DPYD: variants seen among roughly 807,000 people sequenced by gnomAD.
DPYD encodes the protein dihydropyrimidine dehydrogenase.
DPYD carries 109 observed loss-of-function variants against 116.2 expected under a neutral mutation model. The observed-to-expected ratio is 0.94, with a 90% confidence interval of 0.80 to 1.10. DPYD has a LOEUF of 1.10. DPYD is among the 50% of genes least tolerant of loss of function. The probability of loss-of-function intolerance (pLI) is 0.00; values close to 1 mark genes in which losing one functional copy is unlikely to be tolerated. For missense variants in DPYD, 1,302 were observed against 1,254.5 expected (o/e 1.04, Z -0.57); for synonymous variants, 440 against 432.0 (o/e 1.02, Z -0.23).
At chr1:97,909,330 C>A (rs973016044) in intron 1 of DPYD, among the ~76,000 whole-genome samples, 7 of 152,036 alleles carry the variant, frequency 4.6e-5, no homozygotes, top group Non-Finnish European at 8.8e-5. Context: ...CCAAAAGAAT[C>A]CCTTTATACA....
intron 10 of DPYD, among the ~76,000 whole-genome samples, chr1:97,590,120 T>C (rs1485581088): frequency 1.3e-5 from 2 of 152,196 alleles, no homozygotes; most frequent in Non-Finnish European, 2.9e-5. Context: ...CCTCTTTTGA[T>C]GTATACAAAA....
chr1:97,746,203 AT>A lies in DPYD; in HGVS notation c.234-5725del, dbSNP rs562730142. 1.5e-4 allele frequency among the ~76,000 whole-genome samples: 23 copies of A among 152,284 alleles called. No individual in the cohort carries two copies. The South Asian group carries it at 3.5e-3, about 23-fold the overall frequency. ...GTTTATGGCAAGCTTTTCTAACTCA[AT>A]CCATTGCCTATTCTAGTCTGTAACA... On this transcript the variant is annotated intron_variant, in intron 3 of 22. Coordinates refer to ENST00000370192, the MANE Select transcript of DPYD (RefSeq NM_000110.4).
intron 21 of DPYD, among the ~76,000 whole-genome samples, chr1:97,087,528 TG>T (rs1403885363): frequency 1.3e-5 from 2 of 152,120 alleles, no homozygotes; most frequent in African/African-American, 4.8e-5. Flanking sequence ...GTGAGACTTT[TG>T]GAACCAAAGT....
In DPYD at chr1:97,606,475, T is replaced by C. The variant is rs567121560; in HGVS notation, c.851-11309A>G. ...CTAAAGCTGAGTCTTAAAAGATTAA[T>C]GTTTCCAGTCATAGAAAAAGGGGGA... is the stretch of plus-strand genomic sequence containing the variant. On this transcript the variant is annotated intron_variant, in intron 8 of 22. Coordinates refer to ENST00000370192, the MANE Select transcript of DPYD (RefSeq NM_000110.4). Among the ~76,000 whole-genome samples, 11 of 152,088 alleles carry C rather than the reference T, an allele frequency of 7.2e-5. No individual in the cohort carries two copies. The South Asian group carries it at 2.3e-3, about 32-fold the overall frequency.
chr1:97,664,962 A>G (rs1463639840), intron 8 of DPYD, among the ~76,000 whole-genome samples: 1 of 152,134 alleles, frequency 6.6e-6, no homozygotes, highest in Non-Finnish European at 1.5e-5. Context: ...CTAAAAGTCT[A>G]ACACATTTCG....
intron 15 of DPYD, among the ~76,000 whole-genome samples, chr1:97,380,626 A>T (rs1671902204): frequency 6.6e-6 from 1 of 152,220 alleles, no homozygotes; most frequent in Non-Finnish European, 1.5e-5. Context: ...AGTATACATC[A>T]TCATCACATC....
Position 97,883,374 on chromosome 1 carries a change from T to G in DPYD, c.40A>C (p.Ser14Arg). Residue 14 changes from serine (S) to arginine (R), a missense_variant and splice_region_variant, in exon 2 of 23, where the codon AGT (serine) becomes CGT (arginine). Coordinates refer to ENST00000370192, the MANE Select transcript of DPYD (RefSeq NM_000110.4). Reference protein sequence around the residue: ...VLSKDSADIESILALNPRTQT... With the variant: ...VLSKDSADIERILALNPRTQT... ...GTTCGAGGATTTAAAGCCAGGATAC[T>G]CTAAAGACAGCATAAACAATGTGTA... is the stretch of plus-strand genomic sequence containing the variant. 1.9e-6 allele frequency: 3 copies of G among 1,585,206 alleles called. No individual in the cohort carries two copies. Among genetic ancestry groups the G allele is most frequent in the Non-Finnish European group, 2.6e-6 (3 of 1,153,944 alleles).
chr1:97,920,820 C>G, intron 1 of DPYD, 64 bp downstream of exon 1: 1 of 1,553,880 alleles, frequency 6.4e-7, no homozygotes, highest in Non-Finnish European at 8.7e-7. Context: ...GCCTCCCCGG[C>G]ACCTACCCGC....
chr1:97,085,689 A>G (rs1649464329), intron 21 of DPYD, among the ~76,000 whole-genome samples: 1 of 152,176 alleles, frequency 6.6e-6, no homozygotes, highest in African/African-American at 2.4e-5. Context: ...GATGTCCTGG[A>G]ATCTGGAGTT....
intron 8 of DPYD, among the ~76,000 whole-genome samples, chr1:97,646,416 T>C (rs946750318): frequency 5.3e-5 from 8 of 152,080 alleles, no homozygotes; most frequent in African/African-American, 1.9e-4. Flanking sequence ...TGTCTTTATT[T>C]TAGTGATTAT....
intron 20 of DPYD, among the ~76,000 whole-genome samples, chr1:97,122,443 T>G (rs1028297828): frequency 3.3e-5 from 5 of 152,148 alleles, no homozygotes; most frequent in Non-Finnish European, 5.9e-5. Context: ...TCTATCCAAC[T>G]TATAACTGTA....
chr1:97,830,188 G>A (rs1669464463), intron 2 of DPYD, among the ~76,000 whole-genome samples: 1 of 152,066 alleles, frequency 6.6e-6, no homozygotes, highest in African/African-American at 2.4e-5. Flanking sequence ...TTGCCATTGT[G>A]AATAGTGCCT....
chr1:97,142,604 A>T (rs1033753206), intron 20 of DPYD, among the ~76,000 whole-genome samples: 9 of 152,154 alleles, frequency 5.9e-5, no homozygotes, highest in Non-Finnish European at 1.2e-4. Context: ...CATCAGTAGT[A>T]GACTTAAAAC....
At chr1:97,593,109 T>A in intron 10 of DPYD, 109 bp downstream of exon 10, 1 of 1,371,508 alleles carries the variant, frequency 7.3e-7, no homozygotes, top group Non-Finnish European at 1.0e-6. Flanking sequence ...CTGAAATTTT[T>A]AAACTTGAAT....
In DPYD at chr1:97,687,264, C is replaced by A. The variant is rs372444313; in HGVS notation, c.762+4453G>T. On this transcript the variant is annotated intron_variant, in intron 7 of 22. Transcript: ENST00000370192. The stretch of plus-strand genomic sequence containing the variant: ...CCAGCCTGGGTAACAGAGCTAGACT[C>A]CATCCTCCATCTCAAACAAACAAAC... Among the ~76,000 whole-genome samples the A allele has an allele frequency of 3.9e-5, 6 of 152,164 alleles. No individual in the cohort carries two copies. In the South Asian group the frequency reaches 6.2e-4, roughly 16 times the overall value.
At chr1:97,319,225 TA>T (rs1558025550) in intron 16 of DPYD, among the ~76,000 whole-genome samples, 1 of 148,658 alleles carries the variant, frequency 6.7e-6, no homozygotes, top group Non-Finnish European at 1.5e-5. Context: ...AAGAAATAAC[TA>T]AAATCAGAGC....
intron 20 of DPYD, among the ~76,000 whole-genome samples, chr1:97,144,066 C>T (rs539887620): frequency 6.6e-6 from 1 of 152,226 alleles, no homozygotes; most frequent in East Asian, 1.9e-4. Flanking sequence ...AAGGATAAGT[C>T]TCAGGAAAAC....
chr1:97,580,768 A>G (rs1300646976), intron 10 of DPYD, among the ~76,000 whole-genome samples: 1 of 152,146 alleles, frequency 6.6e-6, no homozygotes, highest in Admixed American at 6.5e-5. Context: ...GACCCAGGTG[A>G]TGTCTTACCC....
chr1:97,649,502 T>C (rs2100838303), intron 8 of DPYD, among the ~76,000 whole-genome samples: 1 of 152,226 alleles, frequency 6.6e-6, no homozygotes, highest in Admixed American at 6.5e-5. Context: ...TCTTTTTCTA[T>C]CTTGAATGAT....
Sources: allele counts gnomAD v4.1 joint callset (sites outside exome capture counted in the v4.1 genomes callset), GRCh38; gene constraint gnomAD v4.1.1; transcripts MANE v1.5; gene names NCBI Gene and HGNC (gene_info 2026-07-23, HGNC 2026-07-21).